Variants in CARS1 observed in about 807,000 individuals in gnomAD.
The protein encoded by CARS1 is cysteinyl-tRNA synthetase 1, also known as cysteine--tRNA ligase, cytoplasmic.
Under a neutral mutation model 106.2 loss-of-function variants are expected in CARS1, and 48 were observed. That is an observed-to-expected ratio of 0.45 (90% CI 0.36 to 0.57). CARS1 has a LOEUF of 0.57. Ranked by LOEUF, CARS1 falls within the 20% of genes least tolerant of loss-of-function variation. CARS1 has a pLI of 0.00. For synonymous variants in CARS1, 409 were observed against 403.4 expected (o/e 1.01, Z -0.17); for missense variants, 968 against 1,057.2 (o/e 0.92, Z 1.17).
At chr11:3,013,683 C>T (rs1850718403) in intron 17 of CARS1, among the ~76,000 whole-genome samples, 2 of 151,928 alleles carry the variant, frequency 1.3e-5, no homozygotes, top group African/African-American at 4.8e-5. Context: ...ACCCCCGTCT[C>T]TACTAAAATA....
chr11:3,047,488 G>A (rs1228016113), intron 2 of CARS1, among the ~76,000 whole-genome samples: 5 of 152,124 alleles, frequency 3.3e-5, no homozygotes, highest in African/African-American at 1.2e-4. Flanking sequence ...CAGCGGCTCT[G>A]CACCCCACCA....
chr11:3,055,593 C>T (rs569583144), intron 1 of CARS1, among the ~76,000 whole-genome samples: 35 of 152,354 alleles, frequency 2.3e-4, no homozygotes, highest in South Asian at 1.2e-3. Context: ...CTGCCTGCTG[C>T]CCTGACAGCC....
At chr11:3,024,494 C>G (rs914359144) in intron 10 of CARS1, among the ~76,000 whole-genome samples, 2 of 152,106 alleles carry the variant, frequency 1.3e-5, no homozygotes, top group African/African-American at 4.8e-5. Flanking sequence ...GTTGCCCAGG[C>G]TGGAGTGCAA....
Position 3,047,981 on chromosome 11 carries a change from G to A in CARS1, c.46C>T (p.Leu16=). 1 of 1,613,960 alleles carries A rather than the reference G, an allele frequency of 6.2e-7. No individual in the cohort carries two copies. Among genetic ancestry groups the A allele is most frequent in the South Asian group, 1.1e-5 (1 of 91,084 alleles). The change falls in exon 2 of 23, where the codon CTG becomes TTG. Residue 16 remains leucine (L), a synonymous_variant. Transcript: ENST00000380525. ...CTGGCTGCCTCGTCACTAATGCTCA[G>A]AATGGACCTGTAGTCAGGAGCTGCA... ...GQQAPDYRSI[L]SISDEAARAQ...
chr11:3,018,070 T>C (rs1851218383), intron 14 of CARS1, 116 bp from the exon 15 acceptor site: 5 of 680,748 alleles, frequency 7.3e-6, no homozygotes, highest in Non-Finnish European at 1.3e-5. Flanking sequence ...AAGACCAGAA[T>C]TACACAAGTG....
At chr11:3,014,227 C>A (rs552337705) in intron 17 of CARS1, among the ~76,000 whole-genome samples, 1 of 152,176 alleles carries the variant, frequency 6.6e-6, no homozygotes, top group Non-Finnish European at 1.5e-5. Context: ...CTCAAGAACG[C>A]CTGGGGCTGC....
Position 3,018,423 on chromosome 11 carries a change from A to G in CARS1, c.1614T>C (p.Tyr538=). 1 of 1,612,498 alleles carries G rather than the reference A, an allele frequency of 6.2e-7. No homozygotes were observed. The highest frequency in any genetic ancestry group is 8.5e-7 in the Non-Finnish European group (1 of 1,178,532). Residue 538 remains tyrosine, a synonymous_variant, in exon 14 of 23, where the codon TAT becomes TAC. Coordinates refer to ENST00000380525, the MANE Select transcript of CARS1 (RefSeq NM_001014437.3). ...GGGGACTCACATTCAAGAACTTCTC[A>G]TATTGAAGCGCTGACTCCATGGTGT... ...SSNTMESALQ[Y]EKFLNEFFLN...
rs1321274329 is a variant in CARS1, at chr11:3,015,805, G to A, written c.1962C>T (p.Val654=). Residue 654 remains valine (V), a synonymous_variant, in exon 17 of 23, where the codon GTC becomes GTT. Coordinates refer to ENST00000380525, the MANE Select transcript of CARS1 (RefSeq NM_001014437.3). ...CACTGAGGCTGGTTCCAGGCCCTCC[G>A]ACCGGGAATCCCAGGGAGCTGTCCT... is the stretch of plus-strand genomic sequence containing the variant. The part of the protein sequence containing the change: ...VEEDSSLGFP[V]GGPGTSLSLE... 4.3e-6 allele frequency: 7 copies of A among 1,614,016 alleles called. No homozygotes were observed. Among genetic ancestry groups the A allele is most frequent in the South Asian group, 2.2e-5 (2 of 91,078 alleles).
In CARS1 at chr11:3,046,627, G is replaced by A. The variant is rs972138143; in HGVS notation, c.274+1126C>T. Among the ~76,000 whole-genome samples the A allele has an allele frequency of 2.0e-5, 3 of 152,072 alleles. No homozygotes were observed. The highest frequency in any genetic ancestry group is 4.4e-5 in the Non-Finnish European group (3 of 67,930). ...TCTAGCAGAGGCCTGACCCACGGCA[G>A]AGGCGGGGGGGCATGTTCCCAATCC... On this transcript the variant is annotated intron_variant, in intron 2 of 22. Transcript: ENST00000380525. This position sits in a 1 kb window ranked among gnomAD's most constrained non-coding sequence, Gnocchi z 5.8.
intron 18 of CARS1, chr11:3,009,606 C>T (rs1565022366): frequency 6.6e-6 from 1 of 152,394 alleles, no homozygotes; most frequent in East Asian, 1.9e-4. Flanking sequence ...ATGGCATCAT[C>T]TCCCCAGTGC....
Position 3,020,029 on chromosome 11 carries a change from G to A in CARS1, c.1266+191C>T, listed in dbSNP as rs1364805636. ...AGAAATCCCAGGAGGGAAGTGATTT[G>A]TCCAGAGACTCAGGGAGTCTCCATG... On this transcript the variant is annotated intron_variant, in intron 11 of 22. Coordinates refer to ENST00000380525, the MANE Select transcript of CARS1 (RefSeq NM_001014437.3). The surrounding 1 kb of genome is among the most constrained non-coding windows in gnomAD (Gnocchi z 4.6). Among the ~76,000 whole-genome samples the A allele has an allele frequency of 1.3e-5, 2 of 152,228 alleles. No homozygotes were observed. The highest frequency in any genetic ancestry group is 4.8e-5 in the African/African-American group (2 of 41,460).
chr11:3,003,714 A>G lies in CARS1; in HGVS notation c.2218-1114T>C, dbSNP rs541417091. Reference sequence around the variant, plus strand: ...GAGGTGGGGGAGGAGCTGGGCACTGAGCTTGGAGGAACCAGAGACACAGTG... The same window carrying G: ...GAGGTGGGGGAGGAGCTGGGCACTGGGCTTGGAGGAACCAGAGACACAGTG... On this transcript the variant is annotated intron_variant, in intron 20 of 22. Transcript: ENST00000380525. The surrounding 1 kb of genome is among the most constrained non-coding windows in gnomAD (Gnocchi z 4.8). 6.6e-6 allele frequency among the ~76,000 whole-genome samples: 1 copy of G among 152,218 alleles called. No individual in the cohort carries two copies. The highest frequency in any genetic ancestry group is 2.1e-4 in the South Asian group (1 of 4,818).
chr11:3,002,874 T>G (rs943172470), intron 20 of CARS1, among the ~76,000 whole-genome samples: 1 of 152,056 alleles, frequency 6.6e-6, no homozygotes, highest in African/African-American at 2.4e-5. Context: ...ACAGAACCAA[T>G]GCTAAAAGAT....
At chr11:3,018,851 G>C (rs754115746) in intron 12 of CARS1, 102 bp from the exon 13 acceptor site, 15 of 1,466,808 alleles carry the variant, frequency 1.0e-5, no homozygotes, top group Non-Finnish European at 1.4e-5. Flanking sequence ...CCACAGGCAG[G>C]AGCTGCGTTT....
chr11:3,010,823 G>A (rs1850376394), intron 18 of CARS1, among the ~76,000 whole-genome samples: 1 of 152,210 alleles, frequency 6.6e-6, no homozygotes, highest in East Asian at 1.9e-4. Flanking sequence ...TCCTCAAGGT[G>A]CAGCTTCTCC....
At chr11:3,005,829 C>T (rs1483650392) in intron 19 of CARS1, among the ~76,000 whole-genome samples, 2 of 152,068 alleles carry the variant, frequency 1.3e-5, no homozygotes, top group East Asian at 3.9e-4. Flanking sequence ...CTAGGCTGGT[C>T]TCGAACTCCT....
chr11:3,032,000 C>CCTTCCT (rs1565074403), intron 7 of CARS1, among the ~76,000 whole-genome samples: 1 of 65,426 alleles, frequency 1.5e-5, no homozygotes, highest in Non-Finnish European at 2.7e-5. Context: ...CCTTCCTTCC[C>CCTTCCT]TCCCTCCCTC....
At chr11:3,014,413 G>A (rs191745707) in intron 17 of CARS1, among the ~76,000 whole-genome samples, 5 of 152,322 alleles carry the variant, frequency 3.3e-5, no homozygotes, top group East Asian at 3.9e-4. Context: ...ACCATTCGCC[G>A]CAGCTGCTTC....
rs970472142 is a variant in CARS1 at position 3,043,729 on chromosome 11, G to A, written c.275-1473C>T. 3.3e-5 allele frequency among the ~76,000 whole-genome samples: 5 copies of A among 152,062 alleles called. No individual in the cohort carries two copies. Among genetic ancestry groups the A allele is most frequent in the African/African-American group, 1.2e-4 (5 of 41,390 alleles). On this transcript the variant is annotated intron_variant, in intron 2 of 22. Coordinates refer to ENST00000380525, the MANE Select transcript of CARS1 (RefSeq NM_001014437.3). The surrounding 1 kb of genome is among the most constrained non-coding windows in gnomAD (Gnocchi z 4.0). ...GGCACCAGCCATCTCTTGGCCTCCCGGCTCTAGCTCAGGCCACACGAGCCA... is the reference window on the plus strand; with the variant it reads ...GGCACCAGCCATCTCTTGGCCTCCCAGCTCTAGCTCAGGCCACACGAGCCA...
Sources: gnomAD v4.1 joint callset for allele counts (sites outside exome capture counted in the v4.1 genomes callset) on GRCh38, gnomAD v4.1.1 for gene constraint, Gnocchi (gnomAD v3.1) non-coding constraint, MANE v1.5 for transcripts, NCBI Gene and HGNC (gene_info 2026-07-23, HGNC 2026-07-21) for gene names.